The following CBFA2T3 variants were observed in gnomAD, a reference collection of about 807,000 sequenced individuals.
CBFA2T3 encodes the protein transcriptional corepressor CBFA2T3.
CBFA2T3 carries 31 observed loss-of-function variants against 58.6 expected under a neutral mutation model. The ratio of observed to expected loss-of-function variants is 0.53; its 90% confidence interval spans 0.40 to 0.71. The LOEUF is 0.71. CBFA2T3 is among the 30% of genes least tolerant of loss of function. The pLI is 0.00. For synonymous variants in CBFA2T3, 531 were observed against 421.9 expected, an observed-to-expected ratio of 1.26 and a Z score of -3.17; for missense variants, 1,076 against 963.1, an observed-to-expected ratio of 1.12 and a Z score of -1.55.
intron 1 of CBFA2T3, among the ~76,000 whole-genome samples, chr16:88,934,568 C>T (rs1241089521): frequency 6.6e-6 from 1 of 152,230 alleles, no homozygotes; most frequent in African/African-American, 2.4e-5. Flanking sequence ...TGCTGACCAA[C>T]CCCCGCAAGG....
At chr16:88,887,913 C>T (rs1969446989) in intron 5 of CBFA2T3, among the ~76,000 whole-genome samples, 1 of 152,192 alleles carries the variant, frequency 6.6e-6, no homozygotes, top group African/African-American at 2.4e-5. Flanking sequence ...AGTTGAGCTA[C>T]AAGGGCTTTC....
chr16:88,940,630 G>A (rs1485164034), intron 1 of CBFA2T3, among the ~76,000 whole-genome samples: 1 of 152,092 alleles, frequency 6.6e-6, no homozygotes, highest in African/African-American at 2.4e-5. Flanking sequence ...GGGAGCTCTG[G>A]ACCCCCCTCC....
At position 88,885,274 on chromosome 16, in the gene CBFA2T3, C is replaced by T. The variant is rs772958174; in HGVS notation, c.894-5G>A. On this transcript the variant is annotated splice_polypyrimidine_tract_variant and splice_region_variant and intron_variant, in intron 6 of 11. Transcript: ENST00000268679. This position sits in a 1 kb window ranked among gnomAD's most constrained non-coding sequence, Gnocchi z 5.3. ...TCTGACCCGTTCTCTTTGGTCCTAG[C>T]CCCAAGAGCAGGTGGGGCGAGGGCA... is the stretch of plus-strand genomic sequence containing the variant. The T allele has an allele frequency of 5.2e-6, 8 of 1,527,164 alleles. No homozygotes were observed. The highest frequency in any genetic ancestry group is 1.8e-4 in the Middle Eastern group (1 of 5,666). 94.6% of individuals were successfully genotyped at this position (1,527,164 alleles called of 1,614,324 possible).
intron 1 of CBFA2T3, among the ~76,000 whole-genome samples, chr16:88,909,295 C>T (rs973483828): frequency 1.2e-4 from 18 of 152,222 alleles, no homozygotes; most frequent in African/African-American, 3.9e-4. Flanking sequence ...TTGGCCCCTC[C>T]ATAAAAGTGC....
intron 1 of CBFA2T3, among the ~76,000 whole-genome samples, chr16:88,972,465 C>T (rs1007887505): frequency 6.6e-6 from 1 of 152,146 alleles, no homozygotes; most frequent in Non-Finnish European, 1.5e-5. Flanking sequence ...TGCACTCTGC[C>T]GCCTCTGTCT....
intron 1 of CBFA2T3, among the ~76,000 whole-genome samples, chr16:88,966,536 T>A (rs941326916): frequency 6.6e-6 from 1 of 151,950 alleles, no homozygotes; most frequent in African/African-American, 2.4e-5. Context: ...TGGCCTCCCA[T>A]GAACTCAGTA....
At position 88,881,315 on chromosome 16, in the gene CBFA2T3, C is replaced by G. The variant is rs200535158; in HGVS notation, c.1378G>C (p.Ala460Pro). ...CCTAGCTGAGGCCCTTCGGGACCGGCGGAGCTGCTGCGGGGCCGGGCCGCG... is the reference window on the plus strand; with the variant it reads ...CCTAGCTGAGGCCCTTCGGGACCGGGGGAGCTGCTGCGGGGCCGGGCCGCG... ...PAAARPRSSS[A>P]GPEGPQLDVP... Residue 460 changes from alanine (A) to proline (P), a missense_variant, in exon 9 of 12, where the codon GCC (alanine) becomes CCC (proline). Coordinates refer to ENST00000268679, the MANE Select transcript of CBFA2T3 (RefSeq NM_005187.6). The G allele has an allele frequency of 4.4e-6, 7 of 1,589,346 alleles. No individual in the cohort carries two copies. In the East Asian group the frequency reaches 1.1e-4, roughly 26 times the overall value.
intron 2 of CBFA2T3, among the ~76,000 whole-genome samples, chr16:88,899,800 A>G (rs1337574612): frequency 6.6e-6 from 1 of 152,078 alleles, no homozygotes; most frequent in Non-Finnish European, 1.5e-5. Flanking sequence ...CACTGCGCCC[A>G]TGGCCGGGTC....
intron 1 of CBFA2T3, among the ~76,000 whole-genome samples, chr16:88,909,794 C>T (rs930546472): frequency 2.0e-5 from 3 of 152,228 alleles, no homozygotes; most frequent in African/African-American, 7.2e-5. Context: ...TCTGAGGTCA[C>T]TGGCCACGGC....
At chr16:88,906,791 A>C in intron 1 of CBFA2T3, among the ~76,000 whole-genome samples, 1 of 152,172 alleles carries the variant, frequency 6.6e-6, no homozygotes, top group African/African-American at 2.4e-5. Context: ...CAGAGCCCAG[A>C]AGCACCAGGG....
At chr16:88,912,985 C>A (rs957912935) in intron 1 of CBFA2T3, among the ~76,000 whole-genome samples, 7 of 152,376 alleles carry the variant, frequency 4.6e-5, no homozygotes, top group African/African-American at 1.4e-4. Flanking sequence ...CCCTCTCCCC[C>A]AAGGCGCGTT....
intron 1 of CBFA2T3, among the ~76,000 whole-genome samples, chr16:88,928,902 G>T (rs550186087): frequency 6.6e-5 from 10 of 152,370 alleles, no homozygotes; most frequent in Admixed American, 1.3e-4. Flanking sequence ...ACTGGGGCCA[G>T]CAGCGCAAAG....
intron 3 of CBFA2T3, among the ~76,000 whole-genome samples, chr16:88,895,069 G>A (rs1322648191): frequency 6.6e-6 from 1 of 152,186 alleles, no homozygotes; most frequent in African/African-American, 2.4e-5. Flanking sequence ...AGGGAACATG[G>A]GACGTGGGGA....
intron 1 of CBFA2T3, among the ~76,000 whole-genome samples, chr16:88,929,255 C>T (rs909627637): frequency 3.4e-5 from 5 of 147,458 alleles, no homozygotes; most frequent in African/African-American, 1.0e-4. Context: ...CCAGGGCGCC[C>T]CTGAACCAGC....
chr16:88,947,146 C>T (rs1161029749), intron 1 of CBFA2T3, among the ~76,000 whole-genome samples: 2 of 152,232 alleles, frequency 1.3e-5, no homozygotes, highest in African/African-American at 4.8e-5. Context: ...TGTATCACAC[C>T]AGTGCCAGGT....
intron 1 of CBFA2T3, among the ~76,000 whole-genome samples, chr16:88,928,650 G>A (rs1971166120): frequency 6.6e-6 from 1 of 152,252 alleles, no homozygotes. Flanking sequence ...CAGGGTGCCT[G>A]TGTACTGAGC....
chr16:88,936,251 T>G (rs1479318100), intron 1 of CBFA2T3, among the ~76,000 whole-genome samples: 2 of 152,152 alleles, frequency 1.3e-5, no homozygotes, highest in Non-Finnish European at 2.9e-5. Flanking sequence ...GTCTCCCAGG[T>G]ATCTCCCATC....
chr16:88,878,132 C>G (rs983039772), intron 11 of CBFA2T3, among the ~76,000 whole-genome samples: 3 of 152,268 alleles, frequency 2.0e-5, no homozygotes, highest in Non-Finnish European at 2.9e-5. Context: ...TCATTCCTCC[C>G]GGCATCTGCT....
rs977847269 is a variant in CBFA2T3, at chr16:88,940,641, C to G, written c.151+36016G>C. On this transcript the variant is annotated intron_variant, in intron 1 of 11. Coordinates refer to ENST00000268679, the MANE Select transcript of CBFA2T3 (RefSeq NM_005187.6). Reference sequence around the variant, plus strand: ...AGGAGGGAGCTCTGGACCCCCCTCCCCAGACCGGCCGCCGCCACCTCTGCC... The same window carrying G: ...AGGAGGGAGCTCTGGACCCCCCTCCGCAGACCGGCCGCCGCCACCTCTGCC... 6.0e-4 allele frequency among the ~76,000 whole-genome samples: 92 copies of G among 152,238 alleles called. 1 individual carries two copies. The highest frequency in any genetic ancestry group is 4.8e-3 in the Admixed American group (74 of 15,306).
Sources: gnomAD v4.1 joint callset for allele counts (sites outside exome capture counted in the v4.1 genomes callset) on GRCh38, gnomAD v4.1.1 for gene constraint, Gnocchi (gnomAD v3.1) non-coding constraint, MANE v1.5 for transcripts, NCBI Gene and HGNC (gene_info 2026-07-23, HGNC 2026-07-21) for gene names.